Variants in SCARA3 observed in about 807,000 individuals in gnomAD.
SCARA3 encodes scavenger receptor class A member 3.
A neutral mutation model predicts 47.0 loss-of-function variants in SCARA3; 39 were observed. The ratio of observed to expected loss-of-function variants is 0.83; its 90% CI spans 0.64 to 1.08. SCARA3 has a LOEUF of 1.08. Ranked by LOEUF, SCARA3 falls within the 50% of genes least tolerant of loss-of-function variation. SCARA3 has a pLI of 0.00. For missense variants in SCARA3, 724 were observed against 792.3 expected (o/e 0.91, Z 1.04); for synonymous variants, 356 against 334.1 (o/e 1.07, Z -0.71).
the SCARA3 span, among the ~76,000 whole-genome samples, chr8:27,700,150 T>G: frequency 6.6e-6 from 1 of 152,130 alleles, no homozygotes; most frequent in Non-Finnish European, 1.5e-5. Context: ...AGAAAAATTT[T>G]GATAAATTGG....
At chr8:27,667,800 G>A (rs1243389752) in intron 5 of SCARA3, among the ~76,000 whole-genome samples, 1 of 152,224 alleles carries the variant, frequency 6.6e-6, no homozygotes, top group African/African-American at 2.4e-5. Context: ...TCCGCCAGCC[G>A]TGACACGGGC....
In SCARA3 at chr8:27,672,903, C is replaced by A. The variant is rs1389734003; in HGVS notation, c.*1552C>A. ...AGCCTTTCCGCACCCTCCTGACTGT[C>A]CTGGATGTGCAACTGGTTTGCACTG... On this transcript the variant is annotated 3_prime_UTR_variant, in exon 6 of 6. Coordinates refer to ENST00000301904, the MANE Select transcript of SCARA3 (RefSeq NM_016240.3). 3 of 985,636 alleles carry A rather than the reference C, an allele frequency of 3.0e-6. No individual in the cohort carries two copies. The highest frequency in any genetic ancestry group is 3.6e-6 in the Non-Finnish European group (3 of 830,150). 61.1% of individuals were successfully genotyped at this position (985,636 alleles called of 1,614,324 possible). A position where few individuals can be genotyped will look rare whatever the true frequency, so the allele number is the denominator to read the frequency against.
Position 27,649,766 on chromosome 8 carries a change from C to T in SCARA3, c.72C>T (p.Asp24=), listed in dbSNP as rs375333173. 9.9e-6 allele frequency: 16 copies of T among 1,614,006 alleles called. No individual in the cohort carries two copies. The highest frequency in any genetic ancestry group is 5.5e-5 in the South Asian group (5 of 91,072). The part of the protein sequence containing the change: ...CVTEEDLAGD[D]EDMPTFPCTQ... ...CAGAAGAGGACCTGGCGGGTGACGA[C>T]GAGGACATGCCGACCTTCCCATGCA... The change falls in exon 2 of 6, where the codon GAC becomes GAT. Residue 24 remains aspartate, a synonymous_variant. Transcript: ENST00000301904.
downstream of SCARA3, among the ~76,000 whole-genome samples, chr8:27,676,035 C>T (rs1346147426): frequency 6.6e-6 from 1 of 152,138 alleles, no homozygotes; most frequent in Non-Finnish European, 1.5e-5. Context: ...TTCAATTAAT[C>T]TTCACAAGCA....
chr8:27,649,461 G>A (rs535799705), intron 1 of SCARA3, among the ~76,000 whole-genome samples: 37 of 152,312 alleles, frequency 2.4e-4, no homozygotes, highest in African/African-American at 6.0e-4. Flanking sequence ...TGGCCCATGT[G>A]TCTTTCCCAG....
chr8:27,659,280 C>T lies in SCARA3; in HGVS notation c.1110C>T (p.His370=), dbSNP rs781055720. 5.0e-6 allele frequency: 8 copies of T among 1,614,070 alleles called. No homozygotes were observed. The highest frequency in any genetic ancestry group is 2.7e-5 in the African/African-American group (2 of 74,922). ...CCAACATCAATGCCACCGACAACCA[C>T]GTGCACAGCATGCTCAAGTACCTGG... is the stretch of plus-strand genomic sequence containing the variant. ...IFTNINATDN[H]VHSMLKYLDD... is the part of the protein sequence containing the mutation. Residue 370 remains histidine, a synonymous_variant, in exon 5 of 6, where the codon CAC becomes CAT. Transcript: ENST00000301904.
At chr8:27,673,484 A>G (rs1461976583), downstream of SCARA3, among the ~76,000 whole-genome samples, 1 of 152,104 alleles carries the variant, frequency 6.6e-6, no homozygotes, top group East Asian at 1.9e-4. Flanking sequence ...CAGCAGCCTC[A>G]CTCACTGGCA....
In SCARA3 at chr8:27,672,611, A is replaced by C; in HGVS notation, c.*1260A>C. 2 of 985,618 alleles carry C rather than the reference A, an allele frequency of 2.0e-6. No individual in the cohort carries two copies. Among genetic ancestry groups the C allele is most frequent in the Non-Finnish European group, 2.4e-6 (2 of 830,114 alleles). The allele number at this position is 985,618 out of a possible 1,614,324, so 61.1% of individuals were successfully genotyped here. ...CCTCTTTGCATGGGCAGCCAGCTGG[A>C]CTAGGAGTGGGAAGGGCCTGGACAC... On this transcript the variant is annotated 3_prime_UTR_variant, in exon 6 of 6. Transcript: ENST00000301904.
downstream of SCARA3, chr8:27,676,726 T>C (rs530675912): frequency 3.5e-6 from 2 of 567,128 alleles, no homozygotes; most frequent in East Asian, 3.1e-5. Flanking sequence ...CCAATTGTGG[T>C]ACATGAAAAT....
chr8:27,728,182 G>C, the SCARA3 span, among the ~76,000 whole-genome samples: 165 of 152,362 alleles, frequency 1.1e-3, no homozygotes, highest in African/African-American at 3.7e-3. Context: ...CCAGGTGAGA[G>C]CTAAATTGTT....
intron 1 of SCARA3, among the ~76,000 whole-genome samples, chr8:27,641,773 A>G (rs141169137): frequency 4.5e-4 from 68 of 152,332 alleles, no homozygotes; most frequent in African/African-American, 1.3e-3. Context: ...GGCAGGCAGG[A>G]TGTGTAGAGA....
chr8:27,679,896 C>T (rs1029178947), downstream of SCARA3: 1 of 152,060 alleles, frequency 6.6e-6, no homozygotes, highest in Non-Finnish European at 1.5e-5. Flanking sequence ...GACCCTTGTA[C>T]AAGGTTGACA....
chr8:27,647,088 T>A (rs1006659130), intron 1 of SCARA3, among the ~76,000 whole-genome samples: 44 of 151,350 alleles, frequency 2.9e-4, no homozygotes, highest in African/African-American at 9.5e-4. Flanking sequence ...CTCTATGACT[T>A]GAGCCAGGCA....
chr8:27,658,978 A>G lies in SCARA3; in HGVS notation c.808A>G (p.Thr270Ala), dbSNP rs1801825757. Residue 270 changes from threonine (T) to alanine (A), a missense_variant, in exon 5 of 6, where the codon ACC (threonine) becomes GCC (alanine). Transcript: ENST00000301904. ...CTTCAGCGGCCTGCGCACCACCTCCACCAAGACTGGAGAGGCGGTCAAGAA... is the reference window on the plus strand; with the variant it reads ...CTTCAGCGGCCTGCGCACCACCTCCGCCAAGACTGGAGAGGCGGTCAAGAA... ...RLFSGLRTTS[T>A]KTGEAVKNIQ... The G allele has an allele frequency of 6.2e-7, 1 of 1,613,950 alleles. No homozygotes were observed. The highest frequency in any genetic ancestry group is 1.7e-5 in the Admixed American group (1 of 60,000).
Position 27,634,064 on chromosome 8 carries a change from T to C in SCARA3, c.-137T>C, listed in dbSNP as rs1216930382. The C allele has an allele frequency of 1.3e-5, 9 of 697,382 alleles. No individual in the cohort carries two copies. The highest frequency in any genetic ancestry group is 1.4e-5 in the Non-Finnish European group (7 of 486,006). 43.2% of individuals were successfully genotyped at this position (697,382 alleles called of 1,614,324 possible). ...CGCAGCCCGCGCGCCGGAGCATGAG[T>C]CCCGGCCGGAGCCCCACGGCCGCGG... On this transcript the variant is annotated 5_prime_UTR_variant, in exon 1 of 6. Coordinates refer to ENST00000301904, the MANE Select transcript of SCARA3 (RefSeq NM_016240.3).
chr8:27,716,323 T>A, the SCARA3 span, among the ~76,000 whole-genome samples: 18 of 149,194 alleles, frequency 1.2e-4, no homozygotes, highest in African/African-American at 4.4e-4. Context: ...AAATATCTCT[T>A]TATATATATA....
At chr8:27,640,528 T>C (rs1801360042) in intron 1 of SCARA3, among the ~76,000 whole-genome samples, 1 of 151,970 alleles carries the variant, frequency 6.6e-6, no homozygotes, top group Admixed American at 6.6e-5. Flanking sequence ...TATAAGCAGG[T>C]GCCACCATGC....
At chr8:27,711,166 C>T in the SCARA3 span, among the ~76,000 whole-genome samples, 2 of 152,124 alleles carry the variant, frequency 1.3e-5, no homozygotes, top group African/African-American at 2.4e-5. Context: ...AGGTGATCTG[C>T]CCACCGCAGC....
chr8:27,728,890 G>A, the SCARA3 span, among the ~76,000 whole-genome samples: 1 of 152,176 alleles, frequency 6.6e-6, no homozygotes, highest in African/African-American at 2.4e-5. Flanking sequence ...TGGGTGTGCT[G>A]TTTAGTTAAG....
Sources: allele counts gnomAD v4.1 joint callset (sites outside exome capture counted in the v4.1 genomes callset), GRCh38; gene constraint gnomAD v4.1.1; transcripts MANE v1.5; gene names NCBI Gene and HGNC (gene_info 2026-07-23, HGNC 2026-07-21).